Variants in MCF2L2 observed in about 807,000 individuals in gnomAD.
MCF2L2 encodes the protein probable guanine nucleotide exchange factor MCF2L2.
A neutral mutation model predicts 150.2 loss-of-function variants in MCF2L2; 102 were observed. The ratio of observed to expected loss-of-function variants is 0.68; its 90% CI spans 0.58 to 0.80. The LOEUF is 0.80. Among genes scored for constraint, MCF2L2 ranks in the 30% least tolerant of loss-of-function variants. MCF2L2 has a pLI of 0.00. For synonymous variants in MCF2L2, 465 were observed against 491.3 expected, an observed-to-expected ratio of 0.95 and a Z score of 0.71; for missense variants, 1,256 against 1,372.8, an observed-to-expected ratio of 0.91 and a Z score of 1.34.
chr3:183,401,103 TTTG>T (rs1714730164), intron 1 of MCF2L2, among the ~76,000 whole-genome samples: 1 of 151,970 alleles, frequency 6.6e-6, no homozygotes, highest in African/African-American at 2.4e-5. Flanking sequence ...AAGGATATTC[TTTG>T]CCTGTCATGA....
At chr3:183,207,917 C>T (rs1722557322) in intron 22 of MCF2L2, 94 bp from the exon 23 acceptor site, 5 of 930,256 alleles carry the variant, frequency 5.4e-6, no homozygotes, top group Non-Finnish European at 6.5e-6. Context: ...ATAAAGCATG[C>T]TTCTTTGAGG....
chr3:183,262,812 G>A (rs1027557978), intron 15 of MCF2L2, among the ~76,000 whole-genome samples: 7 of 152,118 alleles, frequency 4.6e-5, no homozygotes, highest in African/African-American at 7.2e-5. Flanking sequence ...GAACAGTCAC[G>A]TAGCACTGAA....
intron 19 of MCF2L2, among the ~76,000 whole-genome samples, chr3:183,223,689 T>C (rs1450524068): frequency 6.6e-6 from 1 of 152,178 alleles, no homozygotes; most frequent in Non-Finnish European, 1.5e-5. Context: ...TTTATTTCTT[T>C]TAGAAAGCAA....
rs138800659 is a variant in MCF2L2, at chr3:183,338,809, C to T, written c.477G>A (p.Thr159=). The T allele has an allele frequency of 2.2e-5, 35 of 1,597,436 alleles. No homozygotes were observed. In the African/African-American group the frequency reaches 2.5e-4, roughly 12 times the overall value. Residue 159 remains threonine, a synonymous_variant, in exon 5 of 30, where the codon ACG becomes ACA. Transcript: ENST00000328913. Reference sequence around the variant, plus strand: ...GAAAGGTCTTGCTTACCGGCACTTTCGTTTTAAACTCATTTCGATAGTATT... The same window carrying T: ...GAAAGGTCTTGCTTACCGGCACTTTTGTTTTAAACTCATTTCGATAGTATT... ...GIKYYRNEFK[T]KVPIIMVNSV...
chr3:183,210,644 AG>A (rs1158694050), intron 22 of MCF2L2, among the ~76,000 whole-genome samples: 1 of 152,204 alleles, frequency 6.6e-6, no homozygotes, highest in Non-Finnish European at 1.5e-5. Flanking sequence ...CTAGGATGAT[AG>A]GGGAAGGGGG....
intron 5 of MCF2L2, among the ~76,000 whole-genome samples, chr3:183,326,492 C>CAA (rs890481068): frequency 0.025 from 917 of 36,896 alleles, 2 homozygotes; most frequent in Non-Finnish European, 0.03. Context: ...AACTCCGTCT[C>CAA]AAAAAAAAAA....
chr3:183,371,465 CTTT>C (rs56835227), intron 3 of MCF2L2, among the ~76,000 whole-genome samples: 12,994 of 125,670 alleles, frequency 0.1, 706 homozygotes, highest in African/African-American at 0.22. Context: ...TCTGAGAAGC[CTTT>C]TTTTTTTTTT....
chr3:183,367,061 G>T (rs959263157), intron 3 of MCF2L2, among the ~76,000 whole-genome samples: 6 of 152,144 alleles, frequency 3.9e-5, no homozygotes. Flanking sequence ...TAAGGAAAGA[G>T]AACCCATTTT....
intron 25 of MCF2L2, among the ~76,000 whole-genome samples, chr3:183,202,829 T>G (rs1722336100): frequency 2.6e-5 from 4 of 152,172 alleles, no homozygotes; most frequent in Admixed American, 2.0e-4. Flanking sequence ...ATTTAAAATG[T>G]GCAATTTTAA....
chr3:183,426,502 G>A (rs961250844), intron 1 of MCF2L2, among the ~76,000 whole-genome samples: 1 of 152,216 alleles, frequency 6.6e-6, no homozygotes, highest in Non-Finnish European at 1.5e-5. Context: ...CCTTTGAGCT[G>A]AGTGGGAAAG....
chr3:183,289,142 T>A lies in MCF2L2; in HGVS notation c.1754A>T (p.Asp585Val). Residue 585 changes from aspartate to valine, a missense_variant, in exon 14 of 30, where the codon GAT (aspartate) becomes GTT (valine). Physicochemically the swap from Asp to Val is radical, Grantham distance 152 (BLOSUM62 -3). Coordinates refer to ENST00000328913, the MANE Select transcript of MCF2L2 (RefSeq NM_015078.4). ...TELNSRGKED[D>V]ETKFEVKSEE... ...TACCTTGACTTCAAATTTAGTCTCATCATCTTCCTTTCCCCGGGAGTTCAA... is the reference window on the plus strand; with the variant it reads ...TACCTTGACTTCAAATTTAGTCTCAACATCTTCCTTTCCCCGGGAGTTCAA... The A allele has an allele frequency of 6.2e-7, 1 of 1,613,680 alleles. No homozygotes were observed. Among genetic ancestry groups the A allele is most frequent in the South Asian group, 1.1e-5 (1 of 91,046 alleles).
At chr3:183,239,209 A>C (rs1476527165) in intron 15 of MCF2L2, among the ~76,000 whole-genome samples, 2 of 152,160 alleles carry the variant, frequency 1.3e-5, no homozygotes, top group African/African-American at 4.8e-5. Context: ...ATGCAAGAGC[A>C]GCCTGCACTA....
intron 3 of MCF2L2, among the ~76,000 whole-genome samples, chr3:183,369,073 A>G (rs886066126): frequency 9.9e-5 from 15 of 152,214 alleles, no homozygotes; most frequent in Admixed American, 8.5e-4. Context: ...GTAAAAAGTC[A>G]CTTAATAAAT....
chr3:183,399,543 C>T (rs1458986884), intron 1 of MCF2L2, among the ~76,000 whole-genome samples: 4 of 152,196 alleles, frequency 2.6e-5, no homozygotes, highest in African/African-American at 9.6e-5. Flanking sequence ...TGCTGGCTTC[C>T]AAGTACACGG....
intron 14 of MCF2L2, among the ~76,000 whole-genome samples, chr3:183,282,951 A>AC (rs995445859): frequency 2.0e-5 from 3 of 151,654 alleles, no homozygotes; most frequent in Non-Finnish European, 4.4e-5. Flanking sequence ...AATCTATGAG[A>AC]CCCCCCACAA....
chr3:183,207,755 A>G lies in MCF2L2; in HGVS notation c.2565T>C (p.Asp855=). The G allele has an allele frequency of 6.2e-7, 1 of 1,614,198 alleles. No homozygotes were observed. Among genetic ancestry groups the G allele is most frequent in the Non-Finnish European group, 8.5e-7 (1 of 1,180,030 alleles). Residue 855 remains aspartate, a synonymous_variant, in exon 23 of 30, where the codon GAT becomes GAC. Coordinates refer to ENST00000328913, the MANE Select transcript of MCF2L2 (RefSeq NM_015078.4). ...GAATCAAATCCTTCATTTTATAACGATCCTTGTGAATTGTCCAGACGCTGA... is the reference window on the plus strand; with the variant it reads ...GAATCAAATCCTTCATTTTATAACGGTCCTTGTGAATTGTCCAGACGCTGA... ...GPFSVWTIHK[D]RYKMKDLIRF...
intron 6 of MCF2L2, among the ~76,000 whole-genome samples, chr3:183,320,981 C>T (rs567764003): frequency 3.3e-5 from 5 of 152,150 alleles, no homozygotes; most frequent in African/African-American, 4.8e-5. Context: ...TAGGGAGGCC[C>T]GAGGAGAGGG....
intron 10 of MCF2L2, among the ~76,000 whole-genome samples, chr3:183,308,870 T>C (rs370024165): frequency 1.1e-4 from 17 of 152,250 alleles, no homozygotes; most frequent in East Asian, 9.7e-4. Flanking sequence ...TACTGCAAAA[T>C]TGCCGTCTGA....
At chr3:183,188,736 G>A (rs535718468) in intron 27 of MCF2L2, among the ~76,000 whole-genome samples, 8 of 152,334 alleles carry the variant, frequency 5.3e-5, no homozygotes, top group South Asian at 2.1e-4. Context: ...GGGAGGCAGA[G>A]GGGGATGGAT....
Sources: allele counts gnomAD v4.1 joint callset (sites outside exome capture counted in the v4.1 genomes callset), GRCh38; gene constraint gnomAD v4.1.1; transcripts MANE v1.5; gene names NCBI Gene and HGNC (gene_info 2026-07-23, HGNC 2026-07-21).